ST7: variants seen among roughly 807,000 people sequenced by gnomAD.
The protein encoded by ST7 is suppression of tumorigenicity 7.
Under a neutral mutation model 78.7 loss-of-function variants are expected in ST7, and 28 were observed. The ratio of observed to expected loss-of-function variants is 0.36; its 90% CI spans 0.26 to 0.49. ST7 has a LOEUF of 0.49. Ranked by LOEUF, ST7 falls within the 20% of genes least tolerant of loss-of-function variation. The pLI, the probability that ST7 is intolerant of heterozygous loss-of-function variation, is 0.99. For synonymous variants in ST7, 247 were observed against 249.6 expected (o/e 0.99, Z 0.10); for missense variants, 418 against 696.0 (o/e 0.60, Z 4.49).
At chr7:116,967,559 TA>T in intron 1 of ST7, 1 of 361,766 alleles carries the variant, frequency 2.8e-6, no homozygotes, top group South Asian at 2.1e-5. Flanking sequence ...TGACCTGCGA[TA>T]AAAAATGATG....
chr7:116,979,958 CTTT>C (rs745530832), intron 1 of ST7, among the ~76,000 whole-genome samples: 5 of 86,240 alleles, frequency 5.8e-5, no homozygotes, highest in Non-Finnish European at 1.0e-4. Context: ...TTTTGTTTCT[CTTT>C]TTTTTTTTTT....
chr7:116,960,424 A>C (rs1342647824), intron 1 of ST7, among the ~76,000 whole-genome samples: 1 of 152,258 alleles, frequency 6.6e-6, no homozygotes, highest in Non-Finnish European at 1.5e-5. Context: ...TCAGGCCTCT[A>C]GTGATCTGTC....
At chr7:117,074,434 G>A (rs532402520) in intron 1 of ST7, among the ~76,000 whole-genome samples, 3 of 152,076 alleles carry the variant, frequency 2.0e-5, no homozygotes, top group Non-Finnish European at 2.9e-5. Context: ...TTTAGATAGC[G>A]GATCTTTTCC....
chr7:117,128,733 G>A (rs1804079671), intron 3 of ST7, among the ~76,000 whole-genome samples: 1 of 151,754 alleles, frequency 6.6e-6, no homozygotes, highest in Non-Finnish European at 1.5e-5. Flanking sequence ...CCTCCAGTGG[G>A]TGCTCAAATT....
chr7:117,165,080 A>C (rs772542934), intron 9 of ST7, among the ~76,000 whole-genome samples: 2 of 152,194 alleles, frequency 1.3e-5, no homozygotes, highest in Non-Finnish European at 2.9e-5. Flanking sequence ...TAGTAACTAT[A>C]GAAAGGATTC....
At chr7:117,037,579 A>C (rs1796958000) in intron 1 of ST7, among the ~76,000 whole-genome samples, 1 of 152,200 alleles carries the variant, frequency 6.6e-6, no homozygotes, top group Admixed American at 6.5e-5. Flanking sequence ...TATTAAAATG[A>C]TCCATTATAT....
rs201327524 is a variant in ST7 at position 117,219,054 on chromosome 7, C to A, written c.1406-30C>A. On this transcript the variant is annotated intron_variant, in intron 13 of 15. Coordinates refer to ENST00000323984, the MANE Select transcript of ST7 (RefSeq NM_001369598.1). The surrounding 1 kb of genome is among the most constrained non-coding windows in gnomAD (Gnocchi z 5.1). ...GGGAAGTTATGACACAAACATTGGACATCTCTGACATATTTTTTCTCGTTT... is the reference window on the plus strand; with the variant it reads ...GGGAAGTTATGACACAAACATTGGAAATCTCTGACATATTTTTTCTCGTTT... 3.1e-5 allele frequency: 48 copies of A among 1,563,240 alleles called. No homozygotes were observed. The East Asian group carries it at 6.3e-4, about 21-fold the overall frequency.
intron 1 of ST7, among the ~76,000 whole-genome samples, chr7:116,997,541 T>C (rs1379902878): frequency 2.0e-5 from 3 of 151,982 alleles, no homozygotes; most frequent in Admixed American, 6.5e-5. Flanking sequence ...CTGATTGGTG[T>C]GTTTACAAAC....
At chr7:117,182,456 C>A (rs1410248767) in intron 10 of ST7, among the ~76,000 whole-genome samples, 1 of 152,150 alleles carries the variant, frequency 6.6e-6, no homozygotes, top group Non-Finnish European at 1.5e-5. Context: ...GATTTAATGG[C>A]TCAGATTTAA....
chr7:116,994,841 A>G (rs1794579395), intron 1 of ST7, among the ~76,000 whole-genome samples: 1 of 152,252 alleles, frequency 6.6e-6, no homozygotes, highest in South Asian at 2.1e-4. Context: ...GTAATGTAAA[A>G]TGAATGACTA....
intron 9 of ST7, among the ~76,000 whole-genome samples, chr7:117,145,112 C>A (rs1452429445): frequency 6.6e-6 from 1 of 151,966 alleles, no homozygotes. Context: ...GAGGCTGAAG[C>A]AGGAAGATCT....
At chr7:116,968,910 G>A (rs894904572) in intron 1 of ST7, among the ~76,000 whole-genome samples, 2 of 152,094 alleles carry the variant, frequency 1.3e-5, no homozygotes, top group South Asian at 2.1e-4. Context: ...GCTAGAATCT[G>A]TTGGGGTTAA....
chr7:117,114,901 G>A (rs1265945721), intron 2 of ST7, among the ~76,000 whole-genome samples: 1 of 152,202 alleles, frequency 6.6e-6, no homozygotes, highest in African/African-American at 2.4e-5. Context: ...TATGAGACAA[G>A]TTTGAAGCTT....
chr7:117,149,191 C>T (rs1328693200), intron 9 of ST7, among the ~76,000 whole-genome samples: 1 of 152,164 alleles, frequency 6.6e-6, no homozygotes, highest in African/African-American at 2.4e-5. Flanking sequence ...TCCTCAGGTA[C>T]ACAAACCTGC....
chr7:117,179,774 C>A (rs1443000644), intron 10 of ST7, among the ~76,000 whole-genome samples: 1 of 151,464 alleles, frequency 6.6e-6, no homozygotes, highest in Non-Finnish European at 1.5e-5. Flanking sequence ...AGGCCTGGGG[C>A]AATTTCAGGT....
chr7:117,071,813 C>T (rs1798979892), intron 1 of ST7, among the ~76,000 whole-genome samples: 2 of 152,210 alleles, frequency 1.3e-5, no homozygotes, highest in Non-Finnish European at 2.9e-5. Flanking sequence ...GCATTAGAGG[C>T]AGATCATACA....
At position 117,210,149 on chromosome 7, in the gene ST7, G is replaced by A. The variant is rs560504852; in HGVS notation, c.1405+212G>A. 1.2e-3 allele frequency among the ~76,000 whole-genome samples: 188 copies of A among 152,320 alleles called. No individual in the cohort carries two copies. In the Middle Eastern group the frequency reaches 0.014, roughly 11 times the overall value. Reference sequence around the variant, plus strand: ...GAGGCTGTTTCCACAGCTCAGAAAGGTAAGTTTATATTATAGATGGGGTGA... The same window carrying A: ...GAGGCTGTTTCCACAGCTCAGAAAGATAAGTTTATATTATAGATGGGGTGA... On this transcript the variant is annotated intron_variant, in intron 13 of 15. Coordinates refer to ENST00000323984, the MANE Select transcript of ST7 (RefSeq NM_001369598.1).
rs73468771 is a variant in ST7, at chr7:117,166,280, T to A, written c.964-4582T>A. On this transcript the variant is annotated intron_variant, in intron 9 of 15. Coordinates refer to ENST00000323984, the MANE Select transcript of ST7 (RefSeq NM_001369598.1). ...GCATGATTTTATTACAAAATATAGT[T>A]TGTATCCTGCTTTCTCTAGTGTAAT... Among the ~76,000 whole-genome samples, 360 of 152,238 alleles carry A rather than the reference T, an allele frequency of 2.4e-3. 2 individuals carry two copies. Among genetic ancestry groups the A allele is most frequent in the African/African-American group, 8.4e-3 (350 of 41,554 alleles).
At chr7:117,099,903 G>C (rs1801438279) in intron 2 of ST7, 59 bp downstream of exon 2, 2 of 1,336,874 alleles carry the variant, frequency 1.5e-6, no homozygotes, top group East Asian at 4.7e-5. Flanking sequence ...GTGTATTAGT[G>C]TATGTACAGT....
Sources: gnomAD v4.1 joint callset for allele counts (sites outside exome capture counted in the v4.1 genomes callset) on GRCh38, gnomAD v4.1.1 for gene constraint, Gnocchi (gnomAD v3.1) non-coding constraint, MANE v1.5 for transcripts, NCBI Gene and HGNC (gene_info 2026-07-23, HGNC 2026-07-21) for gene names.